BBX: variants seen among roughly 807,000 people sequenced by gnomAD.
The protein encoded by BBX is HMG box transcription factor BBX.
A neutral mutation model predicts 100.2 loss-of-function variants in BBX; 30 were observed. The observed-to-expected ratio is 0.30, with a 90% CI of 0.22 to 0.41. The LOEUF (loss-of-function observed/expected upper bound fraction) is 0.41, where lower values mean the gene tolerates loss of function less well. BBX is among the 10% of genes least tolerant of loss of function. The pLI, the probability that BBX is intolerant of heterozygous loss-of-function variation, is 1.00. For missense variants in BBX, 1,023 were observed against 1,129.8 expected (o/e 0.91, Z 1.35); for synonymous variants, 376 against 388.1 (o/e 0.97, Z 0.37).
At chr3:107,756,590 C>T (rs2065496854) in intron 10 of BBX, among the ~76,000 whole-genome samples, 1 of 151,950 alleles carries the variant, frequency 6.6e-6, no homozygotes, top group South Asian at 2.1e-4. Context: ...AAAACTTATG[C>T]ACTTAAAATA....
At chr3:107,759,123 G>A (rs916900153) in intron 10 of BBX, among the ~76,000 whole-genome samples, 1 of 152,146 alleles carries the variant, frequency 6.6e-6, no homozygotes, top group African/African-American at 2.4e-5. Context: ...TACTTGGATT[G>A]GCCTGTACTC....
intron 3 of BBX, among the ~76,000 whole-genome samples, chr3:107,694,928 G>T (rs1380346841): frequency 3.3e-5 from 5 of 151,854 alleles, no homozygotes; most frequent in African/African-American, 9.7e-5. Context: ...TCTTGGGAGG[G>T]TGTATGTGTC....
chr3:107,789,668 A>G, intron 13 of BBX, 119 bp from the exon 14 acceptor site: 2 of 679,490 alleles, frequency 2.9e-6, no homozygotes, highest in Non-Finnish European at 4.7e-6. Flanking sequence ...GATGACATTT[A>G]TTGAGATTCA....
chr3:107,528,663 C>A (rs2047942446), intron 2 of BBX, among the ~76,000 whole-genome samples: 1 of 152,154 alleles, frequency 6.6e-6, no homozygotes, highest in Non-Finnish European at 1.5e-5. Context: ...TAGAACATAT[C>A]TTTGAATGAA....
intron 6 of BBX, among the ~76,000 whole-genome samples, 167 bp downstream of exon 6, chr3:107,729,127 A>G (rs2063154398): frequency 6.6e-6 from 1 of 152,160 alleles, no homozygotes; most frequent in Non-Finnish European, 1.5e-5. Flanking sequence ...TATAGAATAC[A>G]GGTAATTTAA....
In BBX at chr3:107,563,310, G is replaced by A. The variant is rs2050645718; in HGVS notation, c.-84+36912G>A. Among the ~76,000 whole-genome samples, 3 of 152,112 alleles carry A rather than the reference G, an allele frequency of 2.0e-5. No individual in the cohort carries two copies. The South Asian group carries it at 6.2e-4, about 32-fold the overall frequency. On this transcript the variant is annotated intron_variant, in intron 2 of 17. Transcript: ENST00000325805. ...CCTGTGAAGCTCCTTGCAGATTTTA[G>A]GTCCATCTCACAGAGCCAGACTGAA...
At chr3:107,618,560 C>T (rs779431974) in intron 2 of BBX, among the ~76,000 whole-genome samples, 2 of 151,944 alleles carry the variant, frequency 1.3e-5, no homozygotes. Context: ...TTGAGCATTG[C>T]GTTTCCTGTT....
At chr3:107,798,965 A>C (rs1182727865) in intron 16 of BBX, among the ~76,000 whole-genome samples, 1 of 151,846 alleles carries the variant, frequency 6.6e-6, no homozygotes, top group East Asian at 1.9e-4. Flanking sequence ...CCTGGCTAAC[A>C]CTGTGAAACC....
At chr3:107,653,742 T>G (rs1311109968) in intron 3 of BBX, among the ~76,000 whole-genome samples, 1 of 152,192 alleles carries the variant, frequency 6.6e-6, no homozygotes, top group Non-Finnish European at 1.5e-5. Flanking sequence ...TATCGAACAT[T>G]ACCATAGGCA....
intron 3 of BBX, among the ~76,000 whole-genome samples, chr3:107,689,991 A>G (rs2060058329): frequency 6.6e-6 from 1 of 152,220 alleles, no homozygotes; most frequent in African/African-American, 2.4e-5. Context: ...AATGTGTGCA[A>G]TAAAGGCTTT....
At chr3:107,735,562 AG>A (rs1484444278) in intron 7 of BBX, among the ~76,000 whole-genome samples, 1 of 152,102 alleles carries the variant, frequency 6.6e-6, no homozygotes, top group Non-Finnish European at 1.5e-5. Flanking sequence ...CTAACCATAT[AG>A]AAAAAGTCCT....
Position 107,710,513 on chromosome 3 carries a change from G to A in BBX, c.53G>A (p.Gly18Glu). ...CATTCAGCAGAAGGAGAAGGGGTTG[G>A]AAAACGACCAAAACGAAAGTGTCTT... is the stretch of plus-strand genomic sequence containing the variant. ...KDHSAEGEGVGKRPKRKCLQW... is the reference protein window; with the variant it reads ...KDHSAEGEGVEKRPKRKCLQW... The change falls in exon 4 of 18, where the codon GGA becomes GAA. Residue 18 changes from glycine (G) to glutamate (E), a missense_variant. Physicochemically the swap from Gly to Glu is moderately conservative, Grantham distance 98. Around this residue, in one of 9 missense-constraint regions of BBX, gnomAD observed 229 missense variants for 226.3 expected, o/e 1.01. Transcript: ENST00000325805. 2 of 1,613,750 alleles carry A rather than the reference G, an allele frequency of 1.2e-6. No individual in the cohort carries two copies. The highest frequency in any genetic ancestry group is 8.5e-7 in the Non-Finnish European group (1 of 1,179,838).
chr3:107,709,141 AAAG>A (rs896388240), intron 3 of BBX, among the ~76,000 whole-genome samples: 89 of 152,276 alleles, frequency 5.8e-4, no homozygotes, highest in African/African-American at 2.0e-3. Context: ...TTTTTTTAAA[AAAG>A]AAGCTAGATC....
intron 5 of BBX, among the ~76,000 whole-genome samples, chr3:107,718,466 G>A (rs1286306187): frequency 6.6e-6 from 1 of 151,516 alleles, no homozygotes; most frequent in African/African-American, 2.4e-5. Flanking sequence ...GTAATTAACA[G>A]TAAAACTTTC....
chr3:107,528,964 A>G (rs1310751407), intron 2 of BBX, among the ~76,000 whole-genome samples: 3 of 152,196 alleles, frequency 2.0e-5, no homozygotes, highest in Non-Finnish European at 4.4e-5. Flanking sequence ...CATGAATTTC[A>G]ATTACTTTTA....
At chr3:107,616,860 T>A (rs920980294) in intron 2 of BBX, among the ~76,000 whole-genome samples, 1 of 152,166 alleles carries the variant, frequency 6.6e-6, no homozygotes, top group Admixed American at 6.5e-5. Context: ...CATCATCTTC[T>A]TAGGGTATTT....
intron 2 of BBX, among the ~76,000 whole-genome samples, chr3:107,535,683 T>G (rs1309194233): frequency 1.3e-5 from 2 of 151,708 alleles, no homozygotes; most frequent in African/African-American, 4.8e-5. Flanking sequence ...ACCTCTGCCT[T>G]CTGGGTTCAA....
At chr3:107,715,000 C>T (rs2062002208) in intron 4 of BBX, among the ~76,000 whole-genome samples, 1 of 151,966 alleles carries the variant, frequency 6.6e-6, no homozygotes. Flanking sequence ...TCACCAGGAT[C>T]GTCTCAATCT....
intron 2 of BBX, among the ~76,000 whole-genome samples, chr3:107,538,466 G>T (rs1263434918): frequency 6.6e-6 from 1 of 152,050 alleles, no homozygotes. Flanking sequence ...TTCAAAAACA[G>T]CTAGATGGCT....
Sources: allele counts gnomAD v4.1 joint callset (sites outside exome capture counted in the v4.1 genomes callset), GRCh38; gene constraint gnomAD v4.1.1; regional missense constraint gnomAD v4.1.1; transcripts MANE v1.5; gene names NCBI Gene and HGNC (gene_info 2026-07-23, HGNC 2026-07-21).